RBM20: variants seen among roughly 807,000 people sequenced by gnomAD.
RBM20 encodes RNA-binding protein 20.
In RBM20, 51 loss-of-function variants were observed where a neutral mutation model predicts 110.1. The ratio of observed to expected loss-of-function variants is 0.46; its 90% CI spans 0.37 to 0.59. The LOEUF (loss-of-function observed/expected upper bound fraction) is 0.59, where lower values mean the gene tolerates loss of function less well. Among genes scored for constraint, RBM20 ranks in the 20% least tolerant of loss-of-function variants. RBM20 has a pLI of 0.00. For synonymous variants in RBM20, 589 were observed against 618.2 expected, an observed-to-expected ratio of 0.95 and a Z score of 0.70; for missense variants, 1,512 against 1,574.9, an observed-to-expected ratio of 0.96 and a Z score of 0.68.
chr10:110,772,412 G>A lies in RBM20; in HGVS notation c.192-8389G>A, dbSNP rs539536290. On this transcript the variant is annotated intron_variant, in intron 1 of 13. Transcript: ENST00000369519. ...ACGAAGCCATATACAGTCGCGGGTC[G>A]CATAATGATGTTCTGGTCAATAACA... is the stretch of plus-strand genomic sequence containing the variant. Among the ~76,000 whole-genome samples, 12 of 152,318 alleles carry A rather than the reference G, an allele frequency of 7.9e-5. No homozygotes were observed. The East Asian group carries it at 1.5e-3, about 20-fold the overall frequency.
chr10:110,748,965 T>C (rs574625014), intron 1 of RBM20, among the ~76,000 whole-genome samples: 2 of 152,342 alleles, frequency 1.3e-5, no homozygotes, highest in East Asian at 3.9e-4. Flanking sequence ...GGAAAATGTA[T>C]GATATTTAGG....
In RBM20 at chr10:110,812,669, G is replaced by A. The variant is rs1371567866; in HGVS notation, c.2272G>A (p.Gly758Ser). Residue 758 changes from glycine (G) to serine (S), a missense_variant, in exon 9 of 14, where the codon GGC becomes AGC. Transcript: ENST00000369519. ...GTCCAGCTACAAAAGCCGTGAAGAC[G>A]GCTACTACCGGAAAGAGCCCAAAGC... ...SVSSYKSRED[G>S]YYRKEPKAKS... The A allele has an allele frequency of 3.9e-6, 6 of 1,551,576 alleles. No individual in the cohort carries two copies. The highest frequency in any genetic ancestry group is 3.6e-5 in the South Asian group (3 of 84,064).
intron 1 of RBM20, among the ~76,000 whole-genome samples, chr10:110,768,854 G>A (rs1326476988): frequency 6.6e-6 from 1 of 152,178 alleles, no homozygotes; most frequent in African/African-American, 2.4e-5. Context: ...TTATCGATTT[G>A]CATGAAAAGG....
chr10:110,781,510 G>A lies in RBM20; in HGVS notation c.901G>A (p.Ala301Thr), dbSNP rs1064796938. 1 of 1,551,518 alleles carries A rather than the reference G, an allele frequency of 6.4e-7. No individual in the cohort carries two copies. Among genetic ancestry groups the A allele is most frequent in the African/African-American group, 1.4e-5 (1 of 73,032 alleles). The part of the protein sequence containing the change: ...HVASGFPAEQ[A>T]GGLKSEVGPL... ...GGCCAGCGGATTTCCAGCTGAGCAG[G>A]CTGGGGGCCTGAAAAGTGAGGTCGG... Residue 301 changes from alanine (A) to threonine (T), a missense_variant, in exon 2 of 14, where the codon GCT becomes ACT. By Grantham distance (58) the Ala-to-Thr change is moderately conservative. Around this residue, in one of 3 missense-constraint regions of RBM20, gnomAD observed 1,149 missense variants for 1,169.4 expected, o/e 0.98. Coordinates refer to ENST00000369519, the MANE Select transcript of RBM20 (RefSeq NM_001134363.3).
At chr10:110,758,014 C>CTTTTTTTTGTTTTTTTTT (rs1843943469) in intron 1 of RBM20, among the ~76,000 whole-genome samples, 1 of 79,910 alleles carries the variant, frequency 1.3e-5, no homozygotes, top group African/African-American at 5.2e-5. Context: ...GATCCTTGTT[C>CTTTTTTTTGTTTTTTTTT]TTTTTTTTTT....
chr10:110,709,507 T>A (rs1933939587), intron 1 of RBM20, among the ~76,000 whole-genome samples: 1 of 152,126 alleles, frequency 6.6e-6, no homozygotes, highest in African/African-American at 2.4e-5. Flanking sequence ...CAGAAATGTT[T>A]TCACTAAAGG....
At chr10:110,720,416 A>C (rs958685068) in intron 1 of RBM20, among the ~76,000 whole-genome samples, 1 of 152,170 alleles carries the variant, frequency 6.6e-6, no homozygotes, top group Non-Finnish European at 1.5e-5. Flanking sequence ...TCTACTTTCT[A>C]GTCCACATTT....
At chr10:110,782,429 C>T (rs1044413527) in intron 2 of RBM20, among the ~76,000 whole-genome samples, 1 of 152,150 alleles carries the variant, frequency 6.6e-6, no homozygotes, top group Non-Finnish European at 1.5e-5. Context: ...CTTTGAGTTC[C>T]TGCAAACAGA....
At chr10:110,712,598 C>G (rs891468812) in intron 1 of RBM20, among the ~76,000 whole-genome samples, 2 of 152,188 alleles carry the variant, frequency 1.3e-5, no homozygotes, top group Admixed American at 6.5e-5. Context: ...GAAACCCCAT[C>G]TCTACCAAAA....
intron 1 of RBM20, among the ~76,000 whole-genome samples, chr10:110,666,184 G>A (rs1053746239): frequency 7.2e-5 from 11 of 152,168 alleles, no homozygotes; most frequent in Non-Finnish European, 1.5e-4. Context: ...TGGGTGGTGA[G>A]TACATGGAAA....
intron 1 of RBM20, among the ~76,000 whole-genome samples, chr10:110,716,327 C>T (rs527540202): frequency 9.8e-5 from 15 of 152,324 alleles, no homozygotes; most frequent in African/African-American, 3.6e-4. Context: ...CACCCTCACC[C>T]CAGAGCCTCA....
intron 1 of RBM20, among the ~76,000 whole-genome samples, chr10:110,727,481 A>AATTTTGT (rs950667070): frequency 1.5e-4 from 22 of 150,990 alleles, no homozygotes; most frequent in Non-Finnish European, 3.2e-4. Flanking sequence ...TTATATTTTA[A>AATTTTGT]ATTTTGTATG....
chr10:110,784,948 T>C, intron 5 of RBM20, 59 bp downstream of exon 5: 1 of 1,167,918 alleles, frequency 8.6e-7, no homozygotes, highest in South Asian at 1.4e-5. Context: ...TTTATTTATT[T>C]GTTTGTTTAT....
Position 110,821,502 on chromosome 10 carries a change from C to A in RBM20, c.2883C>A (p.Phe961Leu). The change falls in exon 11 of 14, where the codon TTC becomes TTA. Residue 961 changes from phenylalanine (F) to leucine (L), a missense_variant. Phe to Leu is a conservative substitution (Grantham distance 22). This residue lies in a region of RBM20 where 358 missense variants were observed against 384.2 expected (regional missense o/e 0.93). Coordinates refer to ENST00000369519, the MANE Select transcript of RBM20 (RefSeq NM_001134363.3). Reference sequence around the variant, plus strand: ...TAGACTTAGACCTGGCCCAGGATTTCCCCAAGGAAGGAGTCAAGGCCGTAG... The same window carrying A: ...TAGACTTAGACCTGGCCCAGGATTTACCCAAGGAAGGAGTCAAGGCCGTAG... ...TTLDLDLAQDFPKEGVKAVGN... is the reference protein window; with the variant it reads ...TTLDLDLAQDLPKEGVKAVGN... 6.4e-7 allele frequency: 1 copy of A among 1,551,990 alleles called. No individual in the cohort carries two copies.
intron 1 of RBM20, among the ~76,000 whole-genome samples, chr10:110,709,606 G>A (rs1386867352): frequency 2.2e-5 from 3 of 139,318 alleles, no homozygotes; most frequent in Non-Finnish European, 4.6e-5. Flanking sequence ...TTGCTTTGTT[G>A]CCCAGGCTGG....
At chr10:110,817,077 C>G (rs1444309075) in intron 9 of RBM20, among the ~76,000 whole-genome samples, 1 of 152,178 alleles carries the variant, frequency 6.6e-6, no homozygotes, top group Non-Finnish European at 1.5e-5. Context: ...GGAAGAAACA[C>G]TGCTACATCC....
chr10:110,833,548 A>G lies in RBM20; in HGVS notation c.3574-2320A>G, dbSNP rs546859714. Among the ~76,000 whole-genome samples, 34 of 152,206 alleles carry G rather than the reference A, an allele frequency of 2.2e-4. No individual in the cohort carries two copies. The South Asian group carries it at 4.1e-3, about 19-fold the overall frequency. ...ACCTTTTCTCTCATCCAGCATTTGCAGTAGTATTGTGCAGCCCTTCAGGGG... is the reference window on the plus strand; with the variant it reads ...ACCTTTTCTCTCATCCAGCATTTGCGGTAGTATTGTGCAGCCCTTCAGGGG... On this transcript the variant is annotated intron_variant, in intron 13 of 13. Transcript: ENST00000369519.
At chr10:110,804,817 A>C (rs1184001222) in intron 7 of RBM20, among the ~76,000 whole-genome samples, 1 of 152,232 alleles carries the variant, frequency 6.6e-6, no homozygotes, top group East Asian at 1.9e-4. Context: ...AATTTAAACC[A>C]GTGTCTCCCA....
At chr10:110,814,969 TC>T (rs899058499) in intron 9 of RBM20, among the ~76,000 whole-genome samples, 3 of 152,200 alleles carry the variant, frequency 2.0e-5, no homozygotes, top group Non-Finnish European at 2.9e-5. Flanking sequence ...AAGGTTTTAT[TC>T]AACTCATTAA....
Sources: gnomAD v4.1 joint callset for allele counts (sites outside exome capture counted in the v4.1 genomes callset) on GRCh38, gnomAD v4.1.1 for gene constraint, gnomAD v4.1.1 regional missense constraint, MANE v1.5 for transcripts, NCBI Gene and HGNC (gene_info 2026-07-23, HGNC 2026-07-21) for gene names.